The following ETS1 variants were observed in gnomAD, a reference collection of about 807,000 sequenced individuals.
The protein encoded by ETS1 is protein C-ets-1.
Under a neutral mutation model 58.6 loss-of-function variants are expected in ETS1, and 15 were observed. The observed-to-expected ratio is 0.26, with a 90% CI of 0.17 to 0.39. The LOEUF is 0.39. Ranked by LOEUF, ETS1 falls within the 10% of genes least tolerant of loss-of-function variation. The pLI is 1.00. For missense variants in ETS1, 417 were observed against 610.5 expected (o/e 0.68, Z 3.34); for synonymous variants, 214 against 218.2 (o/e 0.98, Z 0.17).
rs1406066590 is a variant in ETS1, at chr11:128,462,658, C to G, written c.1243-82G>C. ...AAATATATATGTTTCTATGCCTATG[C>G]TATACCCATTCATGGTGACCCATGA... is the stretch of plus-strand genomic sequence containing the variant. On this transcript the variant is annotated intron_variant, in intron 9 of 9. Transcript: ENST00000392668. 7 of 990,360 alleles carry G rather than the reference C, an allele frequency of 7.1e-6. No individual in the cohort carries two copies. The Admixed American group carries it at 7.8e-5, about 11-fold the overall frequency. 61.3% of individuals were successfully genotyped at this position (990,360 alleles called of 1,614,324 possible). A position where few individuals can be genotyped will look rare whatever the true frequency, so the allele number is the denominator to read the frequency against.
intron 8 of ETS1, among the ~76,000 whole-genome samples, chr11:128,465,384 C>T (rs1862007045): frequency 6.6e-6 from 1 of 152,200 alleles, no homozygotes; most frequent in African/African-American, 2.4e-5. Context: ...TACTTTCATT[C>T]AATAAAAACC....
Position 128,462,232 on chromosome 11 carries a change from C to T in ETS1, c.*129G>A. The T allele has an allele frequency of 1.4e-6, 1 of 712,674 alleles. No individual in the cohort carries two copies. The highest frequency in any genetic ancestry group is 2.3e-6 in the Non-Finnish European group (1 of 430,692). 44.1% of individuals were successfully genotyped at this position (712,674 alleles called of 1,614,324 possible). A position where few individuals can be genotyped will look rare whatever the true frequency, so the allele number is the denominator to read the frequency against. On this transcript the variant is annotated 3_prime_UTR_variant, in exon 10 of 10. Transcript: ENST00000392668. ...GATTACAGCTGCAACTGACTTAGCTCCCACCCCTGAAGGTAAAAAATGAGT... is the reference window on the plus strand; with the variant it reads ...GATTACAGCTGCAACTGACTTAGCTTCCACCCCTGAAGGTAAAAAATGAGT...
At chr11:128,469,867 T>C (rs9787971) in intron 8 of ETS1, among the ~76,000 whole-genome samples, 24,640 of 152,222 alleles carry the variant, frequency 0.16, 2,610 homozygotes, top group Non-Finnish European at 0.21. Flanking sequence ...ATCTCATCTC[T>C]AACACACTCC....
Position 128,480,258 on chromosome 11 carries a change from C to T in ETS1, c.1056G>A (p.Val352=), listed in dbSNP as rs774713909. 1.2e-5 allele frequency: 19 copies of T among 1,614,096 alleles called. No individual in the cohort carries two copies. Among genetic ancestry groups the T allele is most frequent in the Non-Finnish European group, 1.6e-5 (19 of 1,180,032 alleles). ...CCTTATTGAGGTCAGCACGGTCCCG[C>T]ACATAGTCCTTGAAGGTGCCCTTGG... ...HKPKGTFKDY[V]RDRADLNKDK... Residue 352 remains valine (V), a synonymous_variant, in exon 8 of 10, where the codon GTG becomes GTA. Coordinates refer to ENST00000392668, the MANE Select transcript of ETS1 (RefSeq NM_001143820.2).
At chr11:128,492,422 G>A (rs1862826521) in intron 3 of ETS1, among the ~76,000 whole-genome samples, 1 of 152,150 alleles carries the variant, frequency 6.6e-6, no homozygotes, top group Admixed American at 6.5e-5. Context: ...CTAGAGTCCA[G>A]GCTGTGCCCT....
rs530974428 is a variant in ETS1 at position 128,468,767 on chromosome 11, T to G, written c.1124-5140A>C. Among the ~76,000 whole-genome samples, 346 of 152,296 alleles carry G rather than the reference T, an allele frequency of 2.3e-3. 2 individuals are homozygous for G. The highest frequency in any genetic ancestry group is 8.1e-3 in the African/African-American group (337 of 41,562). On this transcript the variant is annotated intron_variant, in intron 8 of 9. Coordinates refer to ENST00000392668, the MANE Select transcript of ETS1 (RefSeq NM_001143820.2). Reference sequence around the variant, plus strand: ...CCATTTCTCCCATCACTAGAATATATGCTGTAAGGACAAGGACTTTGTTTT... The same window carrying G: ...CCATTTCTCCCATCACTAGAATATAGGCTGTAAGGACAAGGACTTTGTTTT...
intron 3 of ETS1, among the ~76,000 whole-genome samples, chr11:128,518,368 C>A (rs951475423): frequency 6.6e-6 from 1 of 152,214 alleles, no homozygotes; most frequent in Non-Finnish European, 1.5e-5. Flanking sequence ...CTACACTGAT[C>A]AGGATCATTT....
chr11:128,470,557 GAGAA>G (rs1474317210), intron 8 of ETS1, among the ~76,000 whole-genome samples: 1 of 152,084 alleles, frequency 6.6e-6, no homozygotes, highest in Non-Finnish European at 1.5e-5. Flanking sequence ...GACAGAGAGA[GAGAA>G]AGACACTTAA....
intron 1 of ETS1, among the ~76,000 whole-genome samples, chr11:128,585,185 AG>A (rs1565421948): frequency 1.5e-4 from 5 of 33,048 alleles, no homozygotes; most frequent in African/African-American, 7.9e-4. Context: ...AAAGAAAGAA[AG>A]AAGGAAGGAA....
intron 3 of ETS1, among the ~76,000 whole-genome samples, chr11:128,551,728 G>T (rs1210261032): frequency 6.6e-6 from 1 of 152,016 alleles, no homozygotes; most frequent in African/African-American, 2.4e-5. Flanking sequence ...CCAATCAGTG[G>T]GTCACTCTCT....
At chr11:128,564,512 G>A (rs1395215636) in intron 2 of ETS1, among the ~76,000 whole-genome samples, 2 of 152,100 alleles carry the variant, frequency 1.3e-5, no homozygotes, top group Non-Finnish European at 2.9e-5. Context: ...CGGAGGTAGT[G>A]CAGCCAACAC....
chr11:128,578,791 T>C lies in ETS1; in HGVS notation c.-14-5647A>G, dbSNP rs568011741. 1.2e-4 allele frequency among the ~76,000 whole-genome samples: 19 copies of C among 152,328 alleles called. No individual in the cohort carries two copies. The South Asian group carries it at 3.9e-3, about 32-fold the overall frequency. On this transcript the variant is annotated intron_variant, in intron 1 of 9. Coordinates refer to ENST00000392668, the MANE Select transcript of ETS1 (RefSeq NM_001143820.2). ...ATAATGCTATGGACATTTTTCTCTG[T>C]TGATAAATGTGGCTGTCTATCCTAA...
In ETS1 at chr11:128,483,649, C is replaced by T. The variant is rs181741367; in HGVS notation, c.862+1174G>A. On this transcript the variant is annotated intron_variant, in intron 7 of 9. Transcript: ENST00000392668. ...GGTTCTGATTTTGCAGGGACTTTCC[C>T]TCTGCAGGGCTTGTTGGTGATCCCT... Among the ~76,000 whole-genome samples, 81 of 152,318 alleles carry T rather than the reference C, an allele frequency of 5.3e-4. No individual in the cohort carries two copies. In the South Asian group the frequency reaches 0.012, roughly 23 times the overall value.
chr11:128,542,786 TC>T (rs1306413132), intron 3 of ETS1, among the ~76,000 whole-genome samples: 1 of 152,168 alleles, frequency 6.6e-6, no homozygotes, highest in African/African-American at 2.4e-5. Flanking sequence ...TGAACACTTG[TC>T]ACAAAAAATA....
At chr11:128,470,804 G>A (rs1862167475) in intron 8 of ETS1, among the ~76,000 whole-genome samples, 2 of 152,270 alleles carry the variant, frequency 1.3e-5, no homozygotes, top group South Asian at 4.1e-4. Context: ...GGAAAAAAAA[G>A]TTACAGTATA....
intron 1 of ETS1, among the ~76,000 whole-genome samples, chr11:128,574,424 G>T (rs1864700923): frequency 1.3e-5 from 2 of 152,156 alleles, no homozygotes; most frequent in Admixed American, 6.5e-5. Context: ...TTGTCCTTTA[G>T]TTTTTTAGGA....
Position 128,489,144 on chromosome 11 carries a change from C to T in ETS1, c.535+146G>A, listed in dbSNP as rs1354226654. The T allele has an allele frequency of 5.7e-6, 4 of 703,980 alleles. 1 individual carries two copies. The East Asian group carries it at 9.9e-5, about 17-fold the overall frequency. The allele number at this position is 703,980 out of a possible 1,614,324, so 43.6% of individuals were successfully genotyped here. A position where few individuals can be genotyped will look rare whatever the true frequency, so the allele number is the denominator to read the frequency against. Reference sequence around the variant, plus strand: ...CTAAGAGTACCTGCTGTATGCTGAGCAGTGTACTAGGCACATTCCCACATA... The same window carrying T: ...CTAAGAGTACCTGCTGTATGCTGAGTAGTGTACTAGGCACATTCCCACATA... On this transcript the variant is annotated intron_variant, in intron 5 of 9. Coordinates refer to ENST00000392668, the MANE Select transcript of ETS1 (RefSeq NM_001143820.2).
rs1282982373 is a variant in ETS1, at chr11:128,461,748, G to T, written c.*613C>A. The T allele has an allele frequency of 5.2e-5, 8 of 152,574 alleles. No individual in the cohort carries two copies. Among genetic ancestry groups the T allele is most frequent in the Admixed American group, 5.2e-4 (8 of 15,260 alleles). The allele number at this position is 152,574 out of a possible 1,614,324, so 9.5% of individuals were successfully genotyped here. A position where few individuals can be genotyped will look rare whatever the true frequency, so the allele number is the denominator to read the frequency against. On this transcript the variant is annotated 3_prime_UTR_variant, in exon 10 of 10. Coordinates refer to ENST00000392668, the MANE Select transcript of ETS1 (RefSeq NM_001143820.2). ...CTGAGACCACCTTAGAGCTTAAGAC[G>T]ATTTTTAAGAAAAAAAATACTGGCA...
chr11:128,499,682 C>T (rs1863033823), intron 3 of ETS1, among the ~76,000 whole-genome samples: 1 of 152,158 alleles, frequency 6.6e-6, no homozygotes, highest in Non-Finnish European at 1.5e-5. Flanking sequence ...CTTTCTGTAG[C>T]AGGGAAGAAC....
Sources: gnomAD v4.1 joint callset for allele counts (sites outside exome capture counted in the v4.1 genomes callset) on GRCh38, gnomAD v4.1.1 for gene constraint, MANE v1.5 for transcripts, NCBI Gene and HGNC (gene_info 2026-07-23, HGNC 2026-07-21) for gene names.